Variants in RIMBP2 observed in about 807,000 individuals in gnomAD.
The protein encoded by RIMBP2 is RIMS-binding protein 2.
In RIMBP2, 48 loss-of-function variants were observed where a neutral mutation model predicts 118.6. That is an observed-to-expected ratio of 0.40 (90% CI 0.32 to 0.51). The LOEUF is 0.51. Among genes scored for constraint, RIMBP2 ranks in the 20% least tolerant of loss-of-function variants. The probability of loss-of-function intolerance (pLI) is 0.41; values close to 1 mark genes in which losing one functional copy is unlikely to be tolerated. For synonymous variants in RIMBP2, 762 were observed against 742.9 expected, an observed-to-expected ratio of 1.03 and a Z score of -0.42; for missense variants, 1,551 against 1,768.3, an observed-to-expected ratio of 0.88 and a Z score of 2.20.
intron 1 of RIMBP2, among the ~76,000 whole-genome samples, chr12:130,639,147 GGAGGCC>G (rs2062487405): frequency 6.6e-6 from 1 of 152,092 alleles, no homozygotes; most frequent in Admixed American, 6.5e-5. Flanking sequence ...CAGCACTTTG[GGAGGCC>G]GAGGCGGGTA....
In RIMBP2 at chr12:130,434,622, T is replaced by C. The variant is rs116544883; in HGVS notation, c.2253+112A>G. On this transcript the variant is annotated intron_variant, in intron 14 of 22. Transcript: ENST00000690449. This position sits in a 1 kb window ranked among gnomAD's most constrained non-coding sequence, Gnocchi z 5.7. ...GACCCCAGCTGGGCGTCTCCATCTC[T>C]CTCAGGGACCCAAGGGTAGCGGGGA... 1,452 of 1,226,352 alleles carry C rather than the reference T, an allele frequency of 1.2e-3. 15 individuals are homozygous for C. In the African/African-American group the frequency reaches 0.02, roughly 17 times the overall value. The allele number at this position is 1,226,352 out of a possible 1,614,324, so 76.0% of individuals were successfully genotyped here. A position where few individuals can be genotyped will look rare whatever the true frequency, so the allele number is the denominator to read the frequency against.
chr12:130,552,811 G>A (rs2055936928), intron 2 of RIMBP2, among the ~76,000 whole-genome samples: 1 of 152,194 alleles, frequency 6.6e-6, no homozygotes, highest in Admixed American at 6.5e-5. Flanking sequence ...TGCTGATTAA[G>A]AGATACCCAG....
chr12:130,467,508 C>A (rs2137791458), intron 6 of RIMBP2, among the ~76,000 whole-genome samples: 1 of 152,326 alleles, frequency 6.6e-6, no homozygotes, highest in Non-Finnish European at 1.5e-5. Context: ...GGCCCCCTAG[C>A]CACCACATTA....
intron 4 of RIMBP2, among the ~76,000 whole-genome samples, chr12:130,502,632 A>G (rs2049908490): frequency 6.6e-6 from 1 of 152,030 alleles, no homozygotes; most frequent in Admixed American, 6.5e-5. Flanking sequence ...GCAGGAACTG[A>G]TTTCCTCCTC....
intron 1 of RIMBP2, among the ~76,000 whole-genome samples, chr12:130,706,452 A>T (rs1289077876): frequency 2.0e-5 from 3 of 152,198 alleles, no homozygotes; most frequent in Non-Finnish European, 4.4e-5. Flanking sequence ...CTGGCTCCAG[A>T]CTCTGCCCTG....
At chr12:130,707,454 C>T (rs1224291119) in intron 1 of RIMBP2, among the ~76,000 whole-genome samples, 1 of 152,246 alleles carries the variant, frequency 6.6e-6, no homozygotes, top group Admixed American at 6.5e-5. Flanking sequence ...GGGAAGGCTT[C>T]TCAGAGGCGG....
intron 2 of RIMBP2, among the ~76,000 whole-genome samples, chr12:130,590,113 C>T (rs1324224945): frequency 6.6e-6 from 1 of 152,226 alleles, no homozygotes; most frequent in Non-Finnish European, 1.5e-5. Flanking sequence ...GCAGACGCTT[C>T]TACACCAGGA....
At chr12:130,628,678 C>G (rs982100612) in intron 1 of RIMBP2, among the ~76,000 whole-genome samples, 3 of 152,142 alleles carry the variant, frequency 2.0e-5, no homozygotes, top group Non-Finnish European at 4.4e-5. Context: ...ACCAAATTTC[C>G]TGGTATGGAA....
intron 2 of RIMBP2, among the ~76,000 whole-genome samples, chr12:130,555,284 T>C (rs942525650): frequency 2.0e-5 from 3 of 151,960 alleles, no homozygotes; most frequent in Non-Finnish European, 4.4e-5. Context: ...CAGGAAAAAA[T>C]GGTAAATTTA....
intron 1 of RIMBP2, among the ~76,000 whole-genome samples, chr12:130,690,265 T>C (rs979057510): frequency 3.3e-5 from 5 of 152,084 alleles, no homozygotes; most frequent in African/African-American, 1.2e-4. Context: ...GTGGGGATCA[T>C]GGACACAGAG....
At chr12:130,618,634 A>G (rs2061108459) in intron 2 of RIMBP2, among the ~76,000 whole-genome samples, 1 of 152,172 alleles carries the variant, frequency 6.6e-6, no homozygotes, top group African/African-American at 2.4e-5. Context: ...CCACACCTGA[A>G]CAAGCATCCT....
At chr12:130,443,838 GCTA>G (rs1343487082) in intron 10 of RIMBP2, among the ~76,000 whole-genome samples, 2 of 152,306 alleles carry the variant, frequency 1.3e-5, no homozygotes, top group African/African-American at 4.8e-5. Flanking sequence ...GATGGTGATA[GCTA>G]CTATTTATTG....
chr12:130,709,073 C>T (rs77334794), intron 1 of RIMBP2, among the ~76,000 whole-genome samples: 91 of 152,370 alleles, frequency 6.0e-4, no homozygotes, highest in African/African-American at 1.9e-3. Context: ...CACCCAGCAA[C>T]GTGCCGGCAA....
chr12:130,451,201 C>T lies in RIMBP2; in HGVS notation c.498G>A (p.Glu166=). 1 of 1,613,870 alleles carries T rather than the reference C, an allele frequency of 6.2e-7. No individual in the cohort carries two copies. The change falls in exon 8 of 23, where the codon GAG becomes GAA. Residue 166 remains glutamate, a synonymous_variant. Transcript: ENST00000690449. ...SRSGSARCRS[E]SDMENERNSN... ...CCTGCGGGACGGGACTCACGTCTGACTCAGATCTGCATCTTGCGCTACCGG... is the reference window on the plus strand; with the variant it reads ...CCTGCGGGACGGGACTCACGTCTGATTCAGATCTGCATCTTGCGCTACCGG...
chr12:130,677,395 A>C (rs2064541458), intron 1 of RIMBP2, among the ~76,000 whole-genome samples: 2 of 152,144 alleles, frequency 1.3e-5, no homozygotes, highest in South Asian at 4.1e-4. Flanking sequence ...TAGAAGGCCA[A>C]GGCAGGCAGA....
chr12:130,665,848 C>T (rs2063893937), intron 1 of RIMBP2, among the ~76,000 whole-genome samples: 1 of 152,166 alleles, frequency 6.6e-6, no homozygotes, highest in African/African-American at 2.4e-5. Context: ...TACACTTCCC[C>T]CTCTTGATTA....
At chr12:130,485,691 C>G (rs1166642022) in intron 4 of RIMBP2, among the ~76,000 whole-genome samples, 1 of 152,322 alleles carries the variant, frequency 6.6e-6, no homozygotes, top group East Asian at 1.9e-4. Flanking sequence ...GCCACCTTCC[C>G]TACCAGGACT....
chr12:130,642,118 G>GA (rs1466028908), intron 1 of RIMBP2, among the ~76,000 whole-genome samples: 2 of 152,192 alleles, frequency 1.3e-5, no homozygotes, highest in East Asian at 3.9e-4. Flanking sequence ...ACTAGAGCCT[G>GA]AAAGATCTTT....
chr12:130,405,149 C>T (rs980269749), intron 21 of RIMBP2, among the ~76,000 whole-genome samples: 1 of 151,992 alleles, frequency 6.6e-6, no homozygotes, highest in African/African-American at 2.4e-5. Flanking sequence ...AACATTTGAC[C>T]GCATGCAAAC....
Sources: gnomAD v4.1 joint callset for allele counts (sites outside exome capture counted in the v4.1 genomes callset) on GRCh38, gnomAD v4.1.1 for gene constraint, Gnocchi (gnomAD v3.1) non-coding constraint, MANE v1.5 for transcripts, NCBI Gene and HGNC (gene_info 2026-07-23, HGNC 2026-07-21) for gene names.